Variants in MAF observed in about 807,000 individuals in gnomAD.
The protein encoded by MAF is transcription factor Maf.
In MAF, 10 loss-of-function variants were observed where a neutral mutation model predicts 22.0. The ratio of observed to expected loss-of-function variants is 0.45; its 90% CI spans 0.28 to 0.77. MAF has a LOEUF of 0.77. Among genes scored for constraint, MAF ranks in the 30% least tolerant of loss-of-function variants. The pLI is 0.12. For missense variants in MAF, 544 were observed against 548.4 expected, an observed-to-expected ratio of 0.99 and a Z score of 0.08; for synonymous variants, 337 against 255.8, an observed-to-expected ratio of 1.32 and a Z score of -3.03.
chr16:79,329,597 T>C, the MAF span, among the ~76,000 whole-genome samples: 1 of 152,140 alleles, frequency 6.6e-6, no homozygotes, highest in African/African-American at 2.4e-5. Context: ...TCCAGAAATA[T>C]GATGGAAGTG....
At chr16:79,299,800 C>T in the MAF span, among the ~76,000 whole-genome samples, 1 of 152,262 alleles carries the variant, frequency 6.6e-6, no homozygotes, top group Non-Finnish European at 1.5e-5. Flanking sequence ...CTCTTCCTTT[C>T]TTATTTTCTC....
At chr16:79,439,418 T>G in the MAF span, among the ~76,000 whole-genome samples, 1 of 151,780 alleles carries the variant, frequency 6.6e-6, no homozygotes, top group Admixed American at 6.6e-5. Flanking sequence ...CCCGTCACCA[T>G]GCCCGGCTAA....
At chr16:79,386,375 C>G in the MAF span, among the ~76,000 whole-genome samples, 1 of 152,156 alleles carries the variant, frequency 6.6e-6, no homozygotes, top group Non-Finnish European at 1.5e-5. Context: ...GAACATGTAA[C>G]CCAGATCCCT....
At chr16:79,530,289 G>C in the MAF span, among the ~76,000 whole-genome samples, 1 of 152,138 alleles carries the variant, frequency 6.6e-6, no homozygotes, top group South Asian at 2.1e-4. Context: ...TCTCAGGAGT[G>C]GTTCAAATGG....
chr16:79,437,111 T>C, the MAF span, among the ~76,000 whole-genome samples: 1 of 152,052 alleles, frequency 6.6e-6, no homozygotes, highest in South Asian at 2.1e-4. Context: ...AAGGCATGTG[T>C]TAAAGACTAA....
At chr16:79,364,255 T>C in the MAF span, among the ~76,000 whole-genome samples, 1 of 151,998 alleles carries the variant, frequency 6.6e-6, no homozygotes, top group Non-Finnish European at 1.5e-5. Context: ...TGGAGGATGA[T>C]GTGGGAGGAA....
chr16:79,555,534 T>G, the MAF span, among the ~76,000 whole-genome samples: 2 of 150,736 alleles, frequency 1.3e-5, no homozygotes, highest in African/African-American at 4.8e-5. Flanking sequence ...AATTATTAAC[T>G]ACACAGTGGA....
the MAF span, among the ~76,000 whole-genome samples, chr16:79,225,009 C>G: frequency 6.6e-6 from 1 of 152,146 alleles, no homozygotes; most frequent in South Asian, 2.1e-4. Context: ...TTAGAAAAAA[C>G]TACCTTAAAT....
chr16:79,364,825 A>G, the MAF span, among the ~76,000 whole-genome samples: 1 of 152,180 alleles, frequency 6.6e-6, no homozygotes, highest in Non-Finnish European at 1.5e-5. Flanking sequence ...GTAGAATGAA[A>G]CAGAAACCCA....
At chr16:79,594,664 C>G in intron 1 of MAF, 111 bp from the exon 2 acceptor site, 1 of 1,515,406 alleles carries the variant, frequency 6.6e-7, no homozygotes. Context: ...AATTTAGAGA[C>G]TTATTGTAAT....
chr16:79,520,405 A>T, the MAF span, among the ~76,000 whole-genome samples: 1 of 151,964 alleles, frequency 6.6e-6, no homozygotes. Flanking sequence ...AGCTGGCCCC[A>T]TGGCACACAA....
downstream of MAF, among the ~76,000 whole-genome samples, chr16:79,591,229 A>T (rs1197405345): frequency 6.6e-6 from 1 of 152,196 alleles, no homozygotes; most frequent in Non-Finnish European, 1.5e-5. Context: ...GAAATTCAGA[A>T]TGCGAATCAC....
chr16:79,458,973 CT>C, the MAF span, among the ~76,000 whole-genome samples: 1 of 152,154 alleles, frequency 6.6e-6, no homozygotes, highest in African/African-American at 2.4e-5. Flanking sequence ...ATATATATTA[CT>C]TCTTTTTTCT....
the MAF span, among the ~76,000 whole-genome samples, chr16:79,216,872 C>T: frequency 2.6e-5 from 4 of 150,966 alleles, no homozygotes; most frequent in African/African-American, 7.3e-5. Context: ...TGCAGCGGCA[C>T]GATCTTTGCT....
the MAF span, among the ~76,000 whole-genome samples, chr16:79,475,108 G>C: frequency 2.6e-5 from 4 of 152,192 alleles, no homozygotes; most frequent in Admixed American, 6.5e-5. Context: ...TCCAGGGCTT[G>C]TGCAGCTCAG....
the MAF span, chr16:79,212,909 A>G: frequency 6.6e-6 from 1 of 151,740 alleles, no homozygotes; most frequent in East Asian, 2.0e-4. Context: ...TTTCTGTTAA[A>G]GAAAGAAAAA....
At chr16:79,547,084 C>G in the MAF span, among the ~76,000 whole-genome samples, 1 of 152,098 alleles carries the variant, frequency 6.6e-6, no homozygotes, top group Non-Finnish European at 1.5e-5. Context: ...AAGTTCCTTT[C>G]TGAAATCAGA....
the MAF span, among the ~76,000 whole-genome samples, chr16:79,448,394 T>TA: frequency 2.8e-5 from 4 of 142,040 alleles, no homozygotes; most frequent in African/African-American, 5.0e-5. Context: ...TTTTTTTTTT[T>TA]AGCAATGAAG....
At chr16:79,572,759 C>A in the MAF span, among the ~76,000 whole-genome samples, 1 of 152,064 alleles carries the variant, frequency 6.6e-6, no homozygotes. Flanking sequence ...GGCTTGTGTC[C>A]GAGGCAATCC....
Sources: allele counts gnomAD v4.1 joint callset (sites outside exome capture counted in the v4.1 genomes callset), GRCh38; gene constraint gnomAD v4.1.1; transcripts MANE v1.5; gene names NCBI Gene and HGNC (gene_info 2026-07-23, HGNC 2026-07-21).